Variants in VIL1 observed in about 807,000 individuals in gnomAD.
VIL1 encodes the protein villin 1.
A neutral mutation model predicts 104.0 loss-of-function variants in VIL1; 86 were observed. The ratio of observed to expected loss-of-function variants is 0.83; its 90% CI spans 0.69 to 0.99. VIL1 has a LOEUF of 0.99. VIL1 is among the 50% of genes least tolerant of loss of function. The pLI, the probability that VIL1 is intolerant of heterozygous loss-of-function variation, is 0.00. For synonymous variants in VIL1, 394 were observed against 412.6 expected, an observed-to-expected ratio of 0.95 and a Z score of 0.55; for missense variants, 944 against 1,054.1, an observed-to-expected ratio of 0.90 and a Z score of 1.45.
At position 218,451,057 on chromosome 2, in the gene VIL1, C is replaced by T. The variant is rs1050119978; in HGVS notation, c.*1721C>T. ...CAAGGCCTAACAAATTAGAATTTTC[C>T]AATAAAAAATATATATTTTTTCAGA... On this transcript the variant is annotated 3_prime_UTR_variant, in exon 20 of 20. Transcript: ENST00000248444. The T allele has an allele frequency of 1.3e-5, 2 of 151,916 alleles. No individual in the cohort carries two copies. Among genetic ancestry groups the T allele is most frequent in the Admixed American group, 6.6e-5 (1 of 15,236 alleles). 9.4% of individuals were successfully genotyped at this position (151,916 alleles called of 1,614,324 possible).
chr2:218,421,037 T>C (rs543473391), intron 1 of VIL1, among the ~76,000 whole-genome samples: 1 of 152,110 alleles, frequency 6.6e-6, no homozygotes, highest in South Asian at 2.1e-4. Context: ...CAGTCCAGGA[T>C]GCAGAGGGGC....
chr2:218,445,360 C>T (rs1161524123), intron 19 of VIL1, among the ~76,000 whole-genome samples: 1 of 152,096 alleles, frequency 6.6e-6, no homozygotes, highest in Non-Finnish European at 1.5e-5. Flanking sequence ...GTGATTGTGT[C>T]ACCACACTCC....
intron 3 of VIL1, among the ~76,000 whole-genome samples, chr2:218,424,832 T>A (rs1688952355): frequency 6.6e-6 from 1 of 152,062 alleles, no homozygotes; most frequent in Non-Finnish European, 1.5e-5. Flanking sequence ...AATTTTTTTG[T>A]ATTTTTTAGT....
chr2:218,427,970 G>C lies in VIL1; in HGVS notation c.353G>C (p.Arg118Pro), dbSNP rs776390089. The C allele has an allele frequency of 6.2e-7, 1 of 1,613,966 alleles. No individual in the cohort carries two copies. Among genetic ancestry groups the C allele is most frequent in the Non-Finnish European group, 8.5e-7 (1 of 1,179,970 alleles). ...CAGCTCACCTCTCTTCTCAGGATCC[G>C]GAAAGGGGGCGTGGCTTCTGGCATG... ...RGYFKQGLVI[R>P]KGGVASGMKH... is the part of the protein sequence containing the mutation. Residue 118 changes from arginine (R) to proline (P), a missense_variant, in exon 5 of 20, where the codon CGG becomes CCG. Physicochemically the swap from Arg to Pro is moderately radical, Grantham distance 103 (BLOSUM62 -2). Transcript: ENST00000248444.
rs1688938874 is a variant in VIL1, at chr2:218,424,163, T to C, written c.76-114T>C. 3 of 904,644 alleles carry C rather than the reference T, an allele frequency of 3.3e-6. No homozygotes were observed. In the South Asian group the frequency reaches 4.6e-5, roughly 14 times the overall value. The allele number at this position is 904,644 out of a possible 1,614,324, so 56.0% of individuals were successfully genotyped here. On this transcript the variant is annotated intron_variant, in intron 2 of 19. Coordinates refer to ENST00000248444, the MANE Select transcript of VIL1 (RefSeq NM_007127.3). ...TCTCCTCTCTTCCTTTTCTCTCCTT[T>C]CATTCCTGGGCCCGGCTCTTTGTCT... is the stretch of plus-strand genomic sequence containing the variant.
At position 218,450,169 on chromosome 2, in the gene VIL1, A is replaced by G. The variant is rs147191388; in HGVS notation, c.*833A>G. ...GAAGTCCATGTCAGAAAGCCAACAG[A>G]AGGTGATTTCCACAACTTTGAACAG... On this transcript the variant is annotated 3_prime_UTR_variant, in exon 20 of 20. Coordinates refer to ENST00000248444, the MANE Select transcript of VIL1 (RefSeq NM_007127.3). 5.3e-5 allele frequency: 8 copies of G among 152,350 alleles called. No homozygotes were observed. The allele number at this position is 152,350 out of a possible 1,614,324, so 9.4% of individuals were successfully genotyped here. A position where few individuals can be genotyped will look rare whatever the true frequency, so the allele number is the denominator to read the frequency against.
In VIL1 at chr2:218,435,303, C is replaced by T. The variant is rs142048006; in HGVS notation, c.1695C>T (p.Asp565=). 668 of 1,613,788 alleles carry T rather than the reference C, an allele frequency of 4.1e-4. 3 individuals are homozygous for T. The South Asian group carries it at 4.3e-3, about 10-fold the overall frequency. ...YLWCGKGCSG[D]EREMAKMVAD... ...TTTTTTCCTAGGGTTGTAGCGGGGA[C>T]GAGCGGGAGATGGCCAAGATGGTTG... The change falls in exon 15 of 20, where the codon GAC becomes GAT. Residue 565 remains aspartate, a synonymous_variant. Transcript: ENST00000248444.
Position 218,429,395 on chromosome 2 carries a change from G to T in VIL1, c.678G>T (p.Met226Ile). ...ELASPKLMEV[M>I]NHVLGKRREL... is the part of the protein sequence containing the mutation. ...CATCCCCGAAGCTGATGGAGGTGAT[G>T]AACCACGTGCTGGGCAAGCGCAGGG... The change falls in exon 7 of 20, where the codon ATG becomes ATT. Residue 226 changes from methionine (M) to isoleucine (I), a missense_variant. Coordinates refer to ENST00000248444, the MANE Select transcript of VIL1 (RefSeq NM_007127.3). 1.2e-6 allele frequency: 2 copies of T among 1,614,156 alleles called. No individual in the cohort carries two copies. The highest frequency in any genetic ancestry group is 2.2e-5 in the South Asian group (2 of 91,088).
chr2:218,433,156 C>T (rs1689128501), intron 13 of VIL1, among the ~76,000 whole-genome samples: 1 of 152,228 alleles, frequency 6.6e-6, no homozygotes, highest in East Asian at 1.9e-4. Flanking sequence ...TGTAATTGGG[C>T]CGGGCATGGT....
At position 218,432,146 on chromosome 2, in the gene VIL1, T is replaced by C; in HGVS notation, c.1304T>C (p.Ile435Thr). ...TACCTGCTGCTCTACACCTACCTCA[T>C]CGGCGAGAAGCAGCATTACCTGCTC... ...DCYLLLYTYL[I>T]GEKQHYLLYV... The change falls in exon 12 of 20, where the codon ATC becomes ACC. Residue 435 changes from isoleucine (I) to threonine (T), a missense_variant. By Grantham distance (89) the Ile-to-Thr change is moderately conservative (BLOSUM62 -1). Coordinates refer to ENST00000248444, the MANE Select transcript of VIL1 (RefSeq NM_007127.3). 1 of 1,613,980 alleles carries C rather than the reference T, an allele frequency of 6.2e-7. No individual in the cohort carries two copies. The highest frequency in any genetic ancestry group is 8.5e-7 in the Non-Finnish European group (1 of 1,179,966).
Position 218,443,931 on chromosome 2 carries a change from A to G in VIL1, c.2370+3069A>G, listed in dbSNP as rs552737879. Among the ~76,000 whole-genome samples, 16 of 152,236 alleles carry G rather than the reference A, an allele frequency of 1.1e-4. No homozygotes were observed. The South Asian group carries it at 3.3e-3, about 32-fold the overall frequency. On this transcript the variant is annotated intron_variant, in intron 19 of 19. Transcript: ENST00000248444. The stretch of plus-strand genomic sequence containing the variant: ...CTGCCTCCCGAAGTGCTGGGATTAC[A>G]GGCATAAGACGCTGCGCCTAGCCTG...
rs758599880 is a variant in VIL1 at position 218,432,890 on chromosome 2, C to T, written c.1439C>T (p.Pro480Leu). 1.9e-6 allele frequency: 3 copies of T among 1,614,176 alleles called. No individual in the cohort carries two copies. In the South Asian group the frequency reaches 3.3e-5, roughly 18 times the overall value. The change falls in exon 13 of 20, where the codon CCA becomes CTA. Residue 480 changes from proline (P) to leucine (L), a missense_variant. Coordinates refer to ENST00000248444, the MANE Select transcript of VIL1 (RefSeq NM_007127.3). Reference sequence around the variant, plus strand: ...GGTGAACCAGTCCAGATCCGGGTCCCAATGGGCAAGGAGCCACCTCATCTT... The same window carrying T: ...GGTGAACCAGTCCAGATCCGGGTCCTAATGGGCAAGGAGCCACCTCATCTT... ...YNGEPVQIRV[P>L]MGKEPPHLMS...
At chr2:218,435,206 C>A (rs1380709431) in intron 14 of VIL1, 83 bp from the exon 15 acceptor site, 2 of 1,560,378 alleles carry the variant, frequency 1.3e-6, no homozygotes, top group East Asian at 2.3e-5. Flanking sequence ...CCCTCTTTGA[C>A]CCCTGAACTC....
intron 18 of VIL1, among the ~76,000 whole-genome samples, chr2:218,438,955 C>CA: frequency 8.4e-6 from 1 of 118,724 alleles, no homozygotes; most frequent in East Asian, 2.9e-4. Flanking sequence ...TTTTGAGACA[C>CA]AGTTTCACTC....
At chr2:218,443,257 G>T (rs1302560504) in intron 19 of VIL1, among the ~76,000 whole-genome samples, 1 of 149,196 alleles carries the variant, frequency 6.7e-6, no homozygotes, top group East Asian at 2.0e-4. Flanking sequence ...GGAGTGCAGT[G>T]GCGCGATCTC....
chr2:218,430,891 C>G lies in VIL1; in HGVS notation c.1102+13C>G. ...GTGGGCTCCGTGGGTGAGGGCCAGG[C>G]GGGGGCAGTGAGGGAGCCAGGATCC... On this transcript the variant is annotated intron_variant, in intron 10 of 19. Transcript: ENST00000248444. The G allele has an allele frequency of 6.2e-7, 1 of 1,607,104 alleles. No homozygotes were observed. Among genetic ancestry groups the G allele is most frequent in the South Asian group, 1.1e-5 (1 of 90,164 alleles).
chr2:218,422,924 G>A (rs926058328), intron 1 of VIL1, among the ~76,000 whole-genome samples: 16 of 152,114 alleles, frequency 1.1e-4, no homozygotes, highest in Admixed American at 9.8e-4. Context: ...AGAATCACTG[G>A]GGAGTTTTAA....
At position 218,425,690 on chromosome 2, in the gene VIL1, G is replaced by C; in HGVS notation, c.226G>C (p.Gly76Arg). 1 of 1,614,188 alleles carries C rather than the reference G, an allele frequency of 6.2e-7. No individual in the cohort carries two copies. The highest frequency in any genetic ancestry group is 8.5e-7 in the Non-Finnish European group (1 of 1,180,044). ...CCAGGACTCATCCCTGGATGAGCAG[G>C]GGGCAGCTGCCATCTACACCACACA... ...IGQDSSLDEQ[G>R]AAAIYTTQMD... Residue 76 changes from glycine (G) to arginine (R), a missense_variant, in exon 4 of 20, where the codon GGG becomes CGG. Transcript: ENST00000248444.
At chr2:218,433,721 A>G (rs951621294) in intron 13 of VIL1, among the ~76,000 whole-genome samples, 25 of 152,190 alleles carry the variant, frequency 1.6e-4, no homozygotes, top group Non-Finnish European at 2.4e-4. Context: ...AGCCTGGCCA[A>G]CATGGCAAAA....
Sources: allele counts gnomAD v4.1 joint callset (sites outside exome capture counted in the v4.1 genomes callset), GRCh38; gene constraint gnomAD v4.1.1; transcripts MANE v1.5; gene names NCBI Gene and HGNC (gene_info 2026-07-23, HGNC 2026-07-21).